Variants in PIGS observed in about 807,000 individuals in gnomAD.
PIGS encodes GPI-anchor transamidase component PIGS.
A neutral mutation model predicts 58.2 loss-of-function variants in PIGS; 37 were observed. The observed-to-expected ratio is 0.64, with a 90% CI of 0.49 to 0.84. The LOEUF (loss-of-function observed/expected upper bound fraction) is 0.84, where lower values mean the gene tolerates loss of function less well. Among genes scored for constraint, PIGS ranks in the 40% least tolerant of loss-of-function variants. The pLI, the probability that PIGS is intolerant of heterozygous loss-of-function variation, is 0.00. For synonymous variants in PIGS, 269 were observed against 289.2 expected (o/e 0.93, Z 0.71); for missense variants, 629 against 710.8 (o/e 0.88, Z 1.31).
intron 3 of PIGS, among the ~76,000 whole-genome samples, chr17:28,566,051 C>T (rs2070392087): frequency 6.6e-6 from 1 of 151,458 alleles, no homozygotes. Context: ...AATAAATAAA[C>T]AAATTAAATA....
At position 28,563,533 on chromosome 17, in the gene PIGS, G is replaced by A; in HGVS notation, c.377-11C>T. The A allele has an allele frequency of 6.2e-7, 1 of 1,612,166 alleles. No individual in the cohort carries two copies. Among genetic ancestry groups the A allele is most frequent in the Non-Finnish European group, 8.5e-7 (1 of 1,178,586 alleles). ...ACATGGCTTCTGCCTCTGGGGGCAA[G>A]AACAGGTGGTACACCAAGAGCAAAA... On this transcript the variant is annotated splice_polypyrimidine_tract_variant and intron_variant, in intron 4 of 11. Transcript: ENST00000308360.
In PIGS at chr17:28,571,199, G is replaced by A. The variant is rs1374505701; in HGVS notation, c.35-11C>T. On this transcript the variant is annotated splice_polypyrimidine_tract_variant and intron_variant, in intron 1 of 11. Coordinates refer to ENST00000308360, the MANE Select transcript of PIGS (RefSeq NM_033198.4). ...TGCCCCGGGCCACCTCTGAGGGCAT[G>A]GGGAACCGACTGAGGCGCTGGAAAC... The A allele has an allele frequency of 3.7e-6, 6 of 1,611,186 alleles. No individual in the cohort carries two copies. The African/African-American group carries it at 4.0e-5, about 11-fold the overall frequency.
chr17:28,563,468 A>G lies in PIGS; in HGVS notation c.431T>C (p.Val144Ala), dbSNP rs745359011. 1.9e-5 allele frequency: 31 copies of G among 1,614,100 alleles called. No homozygotes were observed. The highest frequency in any genetic ancestry group is 2.6e-5 in the Non-Finnish European group (31 of 1,180,024). ...TGAGGAGTGTTCAGATATCACGTAC[A>G]CAGTCAGGGAGCCCTCCGCTTGTTC... Reference protein sequence around the residue: ...PQEQAEGSLTVYVISEHSSLL... With the variant: ...PQEQAEGSLTAYVISEHSSLL... The change falls in exon 5 of 12, where the codon GTG (valine) becomes GCG (alanine). Residue 144 changes from valine (V) to alanine (A), a missense_variant. Val to Ala is a moderately conservative substitution (Grantham distance 64, BLOSUM62 0). Coordinates refer to ENST00000308360, the MANE Select transcript of PIGS (RefSeq NM_033198.4).
At position 28,553,604 on chromosome 17, in the gene PIGS, G is replaced by A. The variant is rs1337906835; in HGVS notation, c.*616C>T. ...AAAACAAGGATTTGAATTCAGGACT[G>A]TTTGATTCCAAATCTGGAACTTTCT... On this transcript the variant is annotated 3_prime_UTR_variant, in exon 12 of 12. Transcript: ENST00000308360. 6.5e-6 allele frequency: 1 copy of A among 153,552 alleles called. No individual in the cohort carries two copies. The highest frequency in any genetic ancestry group is 1.4e-5 in the Non-Finnish European group (1 of 69,506). The allele number at this position is 153,552 out of a possible 1,614,324, so 9.5% of individuals were successfully genotyped here.
chr17:28,561,050 G>T (rs971260837), intron 6 of PIGS, among the ~76,000 whole-genome samples: 15 of 152,030 alleles, frequency 9.9e-5, no homozygotes, highest in Non-Finnish European at 1.8e-4. Context: ...GAGGTCAGGA[G>T]ATCGAGACCA....
intron 8 of PIGS, 159 bp from the exon 9 acceptor site, chr17:28,557,131 C>T: frequency 1.3e-6 from 1 of 740,822 alleles, no homozygotes; most frequent in Non-Finnish European, 2.2e-6. Context: ...TAAAGGGCTT[C>T]AGAATGTTCT....
At position 28,571,073 on chromosome 17, in the gene PIGS, C is replaced by A. The variant is rs1276036519; in HGVS notation, c.150G>T (p.Gln50His). The change falls in exon 2 of 12, where the codon CAG becomes CAT. Residue 50 changes from glutamine to histidine, a missense_variant. Gln to His is a conservative substitution (Grantham distance 24, BLOSUM62 0). Transcript: ENST00000308360. ...CCTGAAGGGCATTCAGGCCACTGAT[C>A]TGGGAGTAAGGCAACGAGGCCCGGT... The part of the protein sequence containing the change: ...ETYRASLPYS[Q>H]ISGLNALQLR... 6.2e-7 allele frequency: 1 copy of A among 1,614,060 alleles called. No homozygotes were observed. The highest frequency in any genetic ancestry group is 1.7e-5 in the Admixed American group (1 of 60,012).
At chr17:28,564,020 A>G in intron 3 of PIGS, 113 bp from the exon 4 acceptor site, 1 of 878,622 alleles carries the variant, frequency 1.1e-6, no homozygotes, top group South Asian at 1.5e-5. Flanking sequence ...TGTTTACAGA[A>G]AAAGACCAAG....
In PIGS at chr17:28,555,061, C is replaced by A; in HGVS notation, c.1182G>T (p.Arg394=). ...GGGGCTGAGCAATCCCAAAGAGCAA[C>A]CTGTAGGAACATCGGAGTAAGATCA... ...RVMEVFLAQL[R]LLFGIAQPQL... Residue 394 remains arginine, a splice_region_variant and synonymous_variant, in exon 11 of 12, where the codon CGG becomes CGT. Coordinates refer to ENST00000308360, the MANE Select transcript of PIGS (RefSeq NM_033198.4). 1 of 1,611,386 alleles carries A rather than the reference C, an allele frequency of 6.2e-7. No homozygotes were observed. The highest frequency in any genetic ancestry group is 1.7e-5 in the Admixed American group (1 of 59,620).
At chr17:28,554,656 G>A (rs1322194667) in intron 11 of PIGS, among the ~76,000 whole-genome samples, 161 bp from the exon 12 acceptor site, 1 of 152,048 alleles carries the variant, frequency 6.6e-6, no homozygotes, top group Admixed American at 6.6e-5. Context: ...TTTTCCTAGG[G>A]TCAGCTTGAA....
Position 28,556,910 on chromosome 17 carries a change from G to T in PIGS, c.997C>A (p.His333Asn). ...NFLLYVPELA[H>N]SPLYIQDKDG... is the part of the protein sequence containing the mutation. ...TTGTCCTGAATGTACAGCGGTGAGT[G>T]TGCAAGCTCAGGCACGTAGAGTAGA... Residue 333 changes from histidine to asparagine, a missense_variant, in exon 9 of 12, where the codon CAC (histidine) becomes AAC (asparagine). His to Asn is a moderately conservative substitution (Grantham distance 68). Coordinates refer to ENST00000308360, the MANE Select transcript of PIGS (RefSeq NM_033198.4). 6.2e-7 allele frequency: 1 copy of T among 1,614,200 alleles called. No individual in the cohort carries two copies. The highest frequency in any genetic ancestry group is 1.1e-5 in the South Asian group (1 of 91,086).
chr17:28,554,623 T>A, intron 11 of PIGS, 128 bp from the exon 12 acceptor site: 1 of 1,298,968 alleles, frequency 7.7e-7, no homozygotes. Flanking sequence ...TCTATGGAAG[T>A]CTTTCTACAG....
rs777551631 is a variant in PIGS, at chr17:28,570,956, A to C, written c.182T>G (p.Leu61Arg). Residue 61 changes from leucine to arginine, a missense_variant, in exon 3 of 12, where the codon CTC becomes CGC. Transcript: ENST00000308360. ...ISGLNALQLRLMVPVTVVFTR... is the reference protein window; with the variant it reads ...ISGLNALQLRRMVPVTVVFTR... ...AAACACGACAGTGACAGGCACCATG[A>C]GGCGGAGCTACAGGAAGGAGCATCA... The C allele has an allele frequency of 1.2e-6, 2 of 1,614,100 alleles. No homozygotes were observed. The highest frequency in any genetic ancestry group is 4.5e-5 in the East Asian group (2 of 44,890).
Position 28,563,529 on chromosome 17 carries a change from G to A in PIGS, c.377-7C>T, listed in dbSNP as rs182646514. 2.5e-6 allele frequency: 4 copies of A among 1,612,866 alleles called. No individual in the cohort carries two copies. In the Admixed American group the frequency reaches 5.0e-5, roughly 20 times the overall value. On this transcript the variant is annotated splice_region_variant and splice_polypyrimidine_tract_variant and intron_variant, in intron 4 of 11. Transcript: ENST00000308360. ...TCTAACATGGCTTCTGCCTCTGGGG[G>A]CAAGAACAGGTGGTACACCAAGAGC...
chr17:28,555,332 A>G (rs1282652251), intron 10 of PIGS: 1 of 445,500 alleles, frequency 2.2e-6, no homozygotes, highest in Non-Finnish European at 4.0e-6. Flanking sequence ...TTCCATGGCT[A>G]AAATACTTCT....
At chr17:28,560,415 A>C in intron 6 of PIGS, 1 of 500,498 alleles carries the variant, frequency 2.0e-6, no homozygotes, top group East Asian at 3.9e-5. Flanking sequence ...AGACTGAGGC[A>C]GACGGATCAC....
intron 3 of PIGS, among the ~76,000 whole-genome samples, chr17:28,566,840 G>A (rs2070397570): frequency 1.3e-5 from 2 of 152,036 alleles, no homozygotes; most frequent in Admixed American, 6.6e-5. Context: ...ATGATCCACC[G>A]CCTTGGCCTC....
rs779963504 is a variant in PIGS at position 28,571,088 on chromosome 17, C to G, written c.135G>C (p.Ser45=). The change falls in exon 2 of 12, where the codon TCG becomes TCC. Residue 45 remains serine (S), a synonymous_variant. Coordinates refer to ENST00000308360, the MANE Select transcript of PIGS (RefSeq NM_033198.4). ...WWKTTETYRA[S]LPYSQISGLN... The stretch of plus-strand genomic sequence containing the variant: ...GGCCACTGATCTGGGAGTAAGGCAA[C>G]GAGGCCCGGTAGGTCTCCGTGGTCT... 1.9e-6 allele frequency: 3 copies of G among 1,614,132 alleles called. No individual in the cohort carries two copies. The highest frequency in any genetic ancestry group is 2.7e-5 in the African/African-American group (2 of 75,044).
intron 6 of PIGS, among the ~76,000 whole-genome samples, chr17:28,561,020 A>G (rs969820437): frequency 5.3e-5 from 8 of 151,926 alleles, no homozygotes; most frequent in South Asian, 4.2e-4. Context: ...CACTTTGGGA[A>G]GCCGAGGCGG....
Sources: gnomAD v4.1 joint callset for allele counts (sites outside exome capture counted in the v4.1 genomes callset) on GRCh38, gnomAD v4.1.1 for gene constraint, MANE v1.5 for transcripts, NCBI Gene and HGNC (gene_info 2026-07-23, HGNC 2026-07-21) for gene names.